CGB7: variants seen among roughly 807,000 people sequenced by gnomAD.
CGB7 encodes chorionic gonadotropin subunit beta 7, also known as choriogonadotropin subunit beta 7.
A neutral mutation model predicts 7.3 loss-of-function variants in CGB7; 6 were observed. The ratio of observed to expected loss-of-function variants is 0.82; its 90% confidence interval spans 0.45 to 1.62. The LOEUF is 1.62. CGB7 is among the 40% of genes most tolerant of loss of function. The pLI is 0.01. For synonymous variants in CGB7, 47 were observed against 100.8 expected (o/e 0.47, Z 3.20); for missense variants, 114 against 236.2 (o/e 0.48, Z 3.39).
intron 3 of CGB7, 61 bp downstream of exon 3, chr19:49,055,300 T>G: frequency 6.2e-7 from 1 of 1,608,630 alleles, no homozygotes; most frequent in East Asian, 2.2e-5. Flanking sequence ...GGTCTGCCCC[T>G]TCTCATGCCA....
chr19:49,056,548 C>T lies in CGB7; in HGVS notation c.-1173G>A. 1 of 1,302,908 alleles carries T rather than the reference C, an allele frequency of 7.7e-7. No individual in the cohort carries two copies. The highest frequency in any genetic ancestry group is 1.2e-5 in the South Asian group (1 of 81,928). The allele number at this position is 1,302,908 out of a possible 1,614,324, so 80.7% of individuals were successfully genotyped here. A position where few individuals can be genotyped will look rare whatever the true frequency, so the allele number is the denominator to read the frequency against. ...CCAGAGTTGGGGCGTCTCTTCTAAG[C>T]TCCAGTAGGTCAGGTAGTCCTTGCG... On this transcript the variant is annotated 5_prime_UTR_variant, in exon 3 of 5. Coordinates refer to ENST00000684222, the MANE Select transcript of CGB7 (RefSeq NM_001385261.1).
chr19:49,055,209 C>G (rs532822880), intron 3 of CGB7, 152 bp downstream of exon 3: 91 of 1,588,624 alleles, frequency 5.7e-5, no homozygotes, highest in Non-Finnish European at 7.5e-5. Context: ...TTTCAGATCC[C>G]CACCCTCAGG....
At position 49,056,291 on chromosome 19, in the gene CGB7, C is replaced by T. The variant is rs867296814; in HGVS notation, c.-916G>A. The T allele has an allele frequency of 1.5e-5, 20 of 1,291,912 alleles. No individual in the cohort carries two copies. The highest frequency in any genetic ancestry group is 2.1e-4 in the Middle Eastern group (1 of 4,710). 80.0% of individuals were successfully genotyped at this position (1,291,912 alleles called of 1,614,324 possible). A position where few individuals can be genotyped will look rare whatever the true frequency, so the allele number is the denominator to read the frequency against. ...GGCTCCCACTAGCCCCGGCTTACAG[C>T]GGCCTGAGCGGGAGTTCTCGGTGCT... On this transcript the variant is annotated 5_prime_UTR_variant, in exon 3 of 5. Transcript: ENST00000684222.
Position 49,056,047 on chromosome 19 carries a change from C to G in CGB7, c.-672G>C, listed in dbSNP as rs1443116417. ...GCCCGCAGGAGGTGTGTCCTGCCCG[C>G]GGGGCCGCAGCCTCGGAGGACATTG... is the stretch of plus-strand genomic sequence containing the variant. On this transcript the variant is annotated 5_prime_UTR_variant, in exon 3 of 5. Coordinates refer to ENST00000684222, the MANE Select transcript of CGB7 (RefSeq NM_001385261.1). 8.6e-6 allele frequency: 10 copies of G among 1,169,160 alleles called. No individual in the cohort carries two copies. The highest frequency in any genetic ancestry group is 7.5e-5 in the Admixed American group (2 of 26,578). 72.4% of individuals were successfully genotyped at this position (1,169,160 alleles called of 1,614,324 possible).
In CGB7 at chr19:49,055,420, G is replaced by T; in HGVS notation, c.-45C>A. The stretch of plus-strand genomic sequence containing the variant: ...TGGTGTACCTGGCTTTATACCTCGG[G>T]TTTGTGGGGGCGTCAAGGCCACCAG... On this transcript the variant is annotated 5_prime_UTR_variant, in exon 3 of 5. Transcript: ENST00000684222. 1 of 1,606,764 alleles carries T rather than the reference G, an allele frequency of 6.2e-7. No individual in the cohort carries two copies. The highest frequency in any genetic ancestry group is 8.5e-7 in the Non-Finnish European group (1 of 1,176,112).
Position 49,055,540 on chromosome 19 carries a change from A to G in CGB7, c.-165T>C, listed in dbSNP as rs534023704. ...AGGCACAGGAGTGGCTCAGCGGAGC[A>G]CCCCAGTCCTCTCCCCTCAGTGGTC... On this transcript the variant is annotated 5_prime_UTR_variant, in exon 3 of 5. Coordinates refer to ENST00000684222, the MANE Select transcript of CGB7 (RefSeq NM_001385261.1). The G allele has an allele frequency of 1.6e-4, 247 of 1,559,488 alleles. 10 individuals carry two copies. The South Asian group carries it at 2.2e-3, about 14-fold the overall frequency.
Position 49,057,734 on chromosome 19 carries a change from C to CT in CGB7, c.-1622dup. 7.6e-7 allele frequency: 1 copy of CT among 1,323,838 alleles called. No homozygotes were observed. Among genetic ancestry groups the CT allele is most frequent in the Non-Finnish European group, 9.6e-7 (1 of 1,038,782 alleles). 82.0% of individuals were successfully genotyped at this position (1,323,838 alleles called of 1,614,324 possible). A position where few individuals can be genotyped will look rare whatever the true frequency, so the allele number is the denominator to read the frequency against. ...GGCGAGTTTCCAGCCCCTGGTCCTTCTGGCCTGGCGTGGATGCCCAGCCCT... is the reference window on the plus strand; with the variant it reads ...GGCGAGTTTCCAGCCCCTGGTCCTTCTTGGCCTGGCGTGGATGCCCAGCCCT... On this transcript the variant is annotated 5_prime_UTR_variant, in exon 1 of 5. Coordinates refer to ENST00000684222, the MANE Select transcript of CGB7 (RefSeq NM_001385261.1).
At chr19:49,057,289 T>C in intron 1 of CGB7, 41 bp from the exon 2 acceptor site, 1 of 1,507,564 alleles carries the variant, frequency 6.6e-7, no homozygotes, top group Non-Finnish European at 8.9e-7. Flanking sequence ...AAGACATAGA[T>C]TTCATACCCC....
intron 2 of CGB7, 115 bp from the exon 3 acceptor site, chr19:49,056,710 C>A: frequency 2.0e-6 from 2 of 983,338 alleles, no homozygotes; most frequent in Non-Finnish European, 2.6e-6. Flanking sequence ...GGCGAGCACC[C>A]CTTAGGAAGG....
chr19:49,056,072 G>A lies in CGB7; in HGVS notation c.-697C>T, dbSNP rs3810179. On this transcript the variant is annotated 5_prime_UTR_variant, in exon 3 of 5. Coordinates refer to ENST00000684222, the MANE Select transcript of CGB7 (RefSeq NM_001385261.1). Reference sequence around the variant, plus strand: ...CGGGGCCGCAGCCTCGGAGGACATTGTCTGGACTTAGTCCCTTCCCCGCGA... The same window carrying A: ...CGGGGCCGCAGCCTCGGAGGACATTATCTGGACTTAGTCCCTTCCCCGCGA... 0.53 allele frequency: 617,858 copies of A among 1,159,794 alleles called. 163,148 individuals carry two copies. The highest frequency in any genetic ancestry group is 0.56 in the South Asian group (33,487 of 60,212). 71.8% of individuals were successfully genotyped at this position (1,159,794 alleles called of 1,614,324 possible). A position where few individuals can be genotyped will look rare whatever the true frequency, so the allele number is the denominator to read the frequency against.
At chr19:49,056,635 C>T (rs2122208749) in intron 2 of CGB7, 40 bp from the exon 3 acceptor site, 2 of 1,219,556 alleles carry the variant, frequency 1.6e-6, no homozygotes, top group South Asian at 1.4e-5. Flanking sequence ...ACAGCTGGAT[C>T]CTTGGGGACG....
In CGB7 at chr19:49,056,035, G is replaced by T. The variant is rs537943009; in HGVS notation, c.-660C>A. On this transcript the variant is annotated 5_prime_UTR_variant, in exon 3 of 5. Transcript: ENST00000684222. ...ATTATTGAATAGGCCCGCAGGAGGT[G>T]TGTCCTGCCCGCGGGGCCGCAGCCT... 184 of 1,165,274 alleles carry T rather than the reference G, an allele frequency of 1.6e-4. 1 individual carries two copies. The African/African-American group carries it at 2.9e-3, about 18-fold the overall frequency. 72.2% of individuals were successfully genotyped at this position (1,165,274 alleles called of 1,614,324 possible). A position where few individuals can be genotyped will look rare whatever the true frequency, so the allele number is the denominator to read the frequency against.
chr19:49,056,898 G>T (rs1315718874), intron 2 of CGB7, among the ~76,000 whole-genome samples: 2 of 152,168 alleles, frequency 1.3e-5, no homozygotes, highest in South Asian at 2.1e-4. Context: ...CCCTCGAGCC[G>T]CTGTGCAGGC....
rs1468676256 is a variant in CGB7, at chr19:49,056,208, C to T, written c.-833G>A. 1.6e-6 allele frequency: 2 copies of T among 1,279,958 alleles called. No homozygotes were observed. Among genetic ancestry groups the T allele is most frequent in the South Asian group, 2.5e-5 (2 of 80,814 alleles). 79.3% of individuals were successfully genotyped at this position (1,279,958 alleles called of 1,614,324 possible). On this transcript the variant is annotated 5_prime_UTR_variant, in exon 3 of 5. Coordinates refer to ENST00000684222, the MANE Select transcript of CGB7 (RefSeq NM_001385261.1). ...CGACACCGCGTAGTGAGCGGCTGCC[C>T]AGAGCTCTGCTCCGCCCCCACGCCA...
At position 49,055,474 on chromosome 19, in the gene CGB7, A is replaced by G. The variant is rs971577891; in HGVS notation, c.-99T>C. Reference sequence around the variant, plus strand: ...GTTGTAGGATGCTGGAGTGAGCTGGACACTAACCCTTCGGGGGGCGAGAAG... The same window carrying G: ...GTTGTAGGATGCTGGAGTGAGCTGGGCACTAACCCTTCGGGGGGCGAGAAG... On this transcript the variant is annotated 5_prime_UTR_variant, in exon 3 of 5. Transcript: ENST00000684222. The G allele has an allele frequency of 1.4e-5, 22 of 1,607,402 alleles. No individual in the cohort carries two copies. The highest frequency in any genetic ancestry group is 1.8e-5 in the Non-Finnish European group (21 of 1,175,878).
chr19:49,056,349 G>T lies in CGB7; in HGVS notation c.-974C>A, dbSNP rs1190382295. On this transcript the variant is annotated 5_prime_UTR_variant, in exon 3 of 5. In the 5' UTR this introduces an upstream ATG that the reference lacks. Transcript: ENST00000684222. ...TTCGGGACGCTGTGTATGCCCGGCAGGGGCTTCCAGTGGGGGCCACCCCAA... is the reference window on the plus strand; with the variant it reads ...TTCGGGACGCTGTGTATGCCCGGCATGGGCTTCCAGTGGGGGCCACCCCAA... 3 of 1,295,312 alleles carry T rather than the reference G, an allele frequency of 2.3e-6. No homozygotes were observed. In the African/African-American group the frequency reaches 4.5e-5, roughly 20 times the overall value. The allele number at this position is 1,295,312 out of a possible 1,614,324, so 80.2% of individuals were successfully genotyped here. A position where few individuals can be genotyped will look rare whatever the true frequency, so the allele number is the denominator to read the frequency against.
rs1230183903 is a variant in CGB7 at position 49,054,991 on chromosome 19, C to T, written c.33G>A (p.Leu11=). 2 of 1,602,102 alleles carry T rather than the reference C, an allele frequency of 1.2e-6. No individual in the cohort carries two copies. Among genetic ancestry groups the T allele is most frequent in the Non-Finnish European group, 1.7e-6 (2 of 1,179,358 alleles). MEMFQGLLLL[L]LLSMGGTWAS... is the part of the protein sequence containing the mutation. ...CCCATGTCCCGCCCATGCTCAGCAG[C>T]AGCAACAGCAGCAGCCCCTGGGACA... Residue 11 remains leucine (L), a synonymous_variant, in exon 4 of 5, where the codon CTG becomes CTA. Coordinates refer to ENST00000684222, the MANE Select transcript of CGB7 (RefSeq NM_001385261.1).
At position 49,057,507 on chromosome 19, in the gene CGB7, G is replaced by T; in HGVS notation, c.-1394C>A. The T allele has an allele frequency of 8.1e-7, 1 of 1,236,844 alleles. No homozygotes were observed. The highest frequency in any genetic ancestry group is 1.0e-6 in the Non-Finnish European group (1 of 981,362). The allele number at this position is 1,236,844 out of a possible 1,614,324, so 76.6% of individuals were successfully genotyped here. On this transcript the variant is annotated 5_prime_UTR_variant, in exon 1 of 5. The change creates a new upstream start codon in the 5' untranslated region. Coordinates refer to ENST00000684222, the MANE Select transcript of CGB7 (RefSeq NM_001385261.1). ...CTGCTGGTCAAGGAACTCAAATGCA[G>T]GCCCCCAGCCACCACAAAATCCCCC... is the stretch of plus-strand genomic sequence containing the variant.
In CGB7 at chr19:49,055,796, C is replaced by G; in HGVS notation, c.-421G>C. On this transcript the variant is annotated 5_prime_UTR_variant, in exon 3 of 5. Coordinates refer to ENST00000684222, the MANE Select transcript of CGB7 (RefSeq NM_001385261.1). The stretch of plus-strand genomic sequence containing the variant: ...ATTCCTGCACCACAGTCCAACCTAA[C>G]AGGAGGGGCGCGGCTTCGGACTTAG... 9.0e-7 allele frequency: 1 copy of G among 1,107,678 alleles called. No individual in the cohort carries two copies. The highest frequency in any genetic ancestry group is 2.6e-5 in the South Asian group (1 of 39,162). 68.6% of individuals were successfully genotyped at this position (1,107,678 alleles called of 1,614,324 possible).
Sources: allele counts gnomAD v4.1 joint callset (sites outside exome capture counted in the v4.1 genomes callset), GRCh38; gene constraint gnomAD v4.1.1; transcripts MANE v1.5; gene names NCBI Gene and HGNC (gene_info 2026-07-23, HGNC 2026-07-21).